The following CNTN5 variants were observed in gnomAD, a reference collection of about 807,000 sequenced individuals.
CNTN5 encodes the protein contactin-5.
In CNTN5, 77 loss-of-function variants were observed where a neutral mutation model predicts 129.1. The observed-to-expected ratio is 0.60, with a 90% CI of 0.50 to 0.72. The LOEUF is 0.72. CNTN5 is among the 30% of genes least tolerant of loss of function. CNTN5 has a pLI of 0.00. For missense variants in CNTN5, 1,478 were observed against 1,328.8 expected (o/e 1.11, Z -1.75); for synonymous variants, 509 against 465.6 (o/e 1.09, Z -1.20).
chr11:100,000,904 C>T (rs1375841928), intron 8 of CNTN5, among the ~76,000 whole-genome samples: 4 of 152,164 alleles, frequency 2.6e-5, no homozygotes, highest in Non-Finnish European at 2.9e-5. Context: ...CCCTTTTAGC[C>T]ATGGCTGGAG....
chr11:99,038,505 A>G (rs1215177475), intron 1 of CNTN5, among the ~76,000 whole-genome samples: 1 of 152,106 alleles, frequency 6.6e-6, no homozygotes, highest in Admixed American at 6.6e-5. Flanking sequence ...GTGGTGTATA[A>G]CAATGCTAGA....
intron 1 of CNTN5, among the ~76,000 whole-genome samples, chr11:99,034,723 C>G (rs1863616422): frequency 6.6e-6 from 1 of 152,046 alleles, no homozygotes; most frequent in Non-Finnish European, 1.5e-5. Context: ...AAAACCAGCT[C>G]CTGGATTCAT....
At chr11:99,688,052 T>C (rs1029156853) in intron 3 of CNTN5, among the ~76,000 whole-genome samples, 28 of 152,224 alleles carry the variant, frequency 1.8e-4, no homozygotes, top group African/African-American at 6.3e-4. Context: ...GTTAGTAAAC[T>C]ACTTGTTTTA....
At chr11:100,013,573 A>G (rs1422115483) in intron 9 of CNTN5, among the ~76,000 whole-genome samples, 2 of 152,200 alleles carry the variant, frequency 1.3e-5, no homozygotes, top group Admixed American at 1.3e-4. Context: ...CATCTCTGAC[A>G]TGTTATCTCA....
chr11:100,090,171 A>C (rs1321175331), intron 13 of CNTN5, among the ~76,000 whole-genome samples: 1 of 152,088 alleles, frequency 6.6e-6, no homozygotes, highest in African/African-American at 2.4e-5. Flanking sequence ...AAAATCCCTC[A>C]AGAAATTAGG....
At chr11:99,753,778 T>C (rs1329620645) in intron 3 of CNTN5, among the ~76,000 whole-genome samples, 1 of 141,766 alleles carries the variant, frequency 7.1e-6, no homozygotes, top group Admixed American at 7.3e-5. Context: ...AACCTCCACC[T>C]CTGGGTTCAT....
chr11:99,779,984 G>C (rs760237031), intron 3 of CNTN5, among the ~76,000 whole-genome samples: 1 of 151,872 alleles, frequency 6.6e-6, no homozygotes, highest in Non-Finnish European at 1.5e-5. Context: ...CACTCAAATT[G>C]TCCATAGTTT....
chr11:99,451,662 T>C (rs1354838763), intron 2 of CNTN5, among the ~76,000 whole-genome samples: 2 of 152,204 alleles, frequency 1.3e-5, no homozygotes, highest in African/African-American at 4.8e-5. Context: ...ACATAAGAAA[T>C]AAAATTATCC....
intron 1 of CNTN5, among the ~76,000 whole-genome samples, chr11:99,178,390 G>A (rs921810279): frequency 6.6e-5 from 10 of 150,726 alleles, no homozygotes; most frequent in Non-Finnish European, 1.2e-4. Flanking sequence ...GTGTGGGGCT[G>A]TGCACCTGTA....
At chr11:100,043,733 T>C (rs943005205) in intron 9 of CNTN5, among the ~76,000 whole-genome samples, 1 of 152,146 alleles carries the variant, frequency 6.6e-6, no homozygotes, top group Non-Finnish European at 1.5e-5. Context: ...ATGTCATCTT[T>C]TCTGGGCTAC....
chr11:99,481,958 A>G (rs1292238768), intron 2 of CNTN5, among the ~76,000 whole-genome samples: 1 of 152,212 alleles, frequency 6.6e-6, no homozygotes, highest in East Asian at 1.9e-4. Flanking sequence ...TCAGCACACA[A>G]TAAATGTTAT....
chr11:99,822,827 T>A (rs1203339070), intron 4 of CNTN5, among the ~76,000 whole-genome samples: 1 of 152,232 alleles, frequency 6.6e-6, no homozygotes, highest in African/African-American at 2.4e-5. Context: ...CTCTGGAGAA[T>A]AGATTATAAA....
At position 99,312,113 on chromosome 11, in the gene CNTN5, A is replaced by G. The variant is rs547793952; in HGVS notation, c.-209-13233A>G. Among the ~76,000 whole-genome samples the G allele has an allele frequency of 2.6e-5, 4 of 152,308 alleles. No homozygotes were observed. In the East Asian group the frequency reaches 7.7e-4, roughly 29 times the overall value. On this transcript the variant is annotated intron_variant, in intron 1 of 24. Transcript: ENST00000524871. ...ATGAAATATCAGAAATGTAGTACAG[A>G]AAATGTGTTCTGATAAAACATGAAT...
chr11:100,072,844 T>C (rs1371293753), intron 12 of CNTN5, among the ~76,000 whole-genome samples: 1 of 152,124 alleles, frequency 6.6e-6, no homozygotes, highest in African/African-American at 2.4e-5. Context: ...TAATGAACTT[T>C]CTTGTCAACT....
At chr11:99,658,880 C>T (rs1952486789) in intron 3 of CNTN5, among the ~76,000 whole-genome samples, 1 of 106,440 alleles carries the variant, frequency 9.4e-6, no homozygotes, top group African/African-American at 3.4e-5. Flanking sequence ...AGGAGTGAAA[C>T]TCTGTCTCAA....
At chr11:100,125,302 G>T (rs979671437) in intron 13 of CNTN5, among the ~76,000 whole-genome samples, 1 of 151,966 alleles carries the variant, frequency 6.6e-6, no homozygotes. Context: ...ATACCCAGTA[G>T]CTTTTCAACC....
At chr11:99,961,092 C>A (rs11222057) in intron 8 of CNTN5, among the ~76,000 whole-genome samples, 1 of 151,346 alleles carries the variant, frequency 6.6e-6, no homozygotes, top group African/African-American at 2.4e-5. Flanking sequence ...GTAGTCCCCA[C>A]TACCCGGGAG....
chr11:99,550,572 AAG>A (rs1948449597), intron 2 of CNTN5, among the ~76,000 whole-genome samples: 1 of 152,158 alleles, frequency 6.6e-6, no homozygotes, highest in Non-Finnish European at 1.5e-5. Context: ...TCCACGGAAA[AAG>A]AGATGTTTCT....
chr11:99,268,566 G>A (rs1004798205), intron 1 of CNTN5, among the ~76,000 whole-genome samples: 3 of 151,940 alleles, frequency 2.0e-5, no homozygotes, highest in Non-Finnish European at 4.4e-5. Context: ...TATTCATTGC[G>A]TTTTAGGTAA....
Sources: gnomAD v4.1 joint callset for allele counts (sites outside exome capture counted in the v4.1 genomes callset) on GRCh38, gnomAD v4.1.1 for gene constraint, MANE v1.5 for transcripts, NCBI Gene and HGNC (gene_info 2026-07-23, HGNC 2026-07-21) for gene names.